Variants in IL1A observed in about 807,000 individuals in gnomAD.
The protein encoded by IL1A is interleukin 1 alpha.
Under a neutral mutation model 22.2 loss-of-function variants are expected in IL1A, and 16 were observed. The ratio of observed to expected loss-of-function variants is 0.72; its 90% CI spans 0.49 to 1.09. The LOEUF is 1.09. Among genes scored for constraint, IL1A ranks in the 50% least tolerant of loss-of-function variants. IL1A has a pLI of 0.00. For missense variants in IL1A, 317 were observed against 321.8 expected (o/e 0.99, Z 0.11); for synonymous variants, 113 against 118.5 (o/e 0.95, Z 0.30).
rs1016603425 is a variant in IL1A, at chr2:112,777,240, T to C, written c.615+747A>G. 2.0e-5 allele frequency among the ~76,000 whole-genome samples: 3 copies of C among 152,178 alleles called. No individual in the cohort carries two copies. In the East Asian group the frequency reaches 5.8e-4, roughly 29 times the overall value. On this transcript the variant is annotated intron_variant, in intron 6 of 6. Coordinates refer to ENST00000263339, the MANE Select transcript of IL1A (RefSeq NM_000575.5). ...ACTGTCCACACTGCTGTTGGCACTA[T>C]GCCTGAAAAATAGAAGGCTCTCAGT...
At chr2:112,777,959 G>A (rs751286267) in intron 6 of IL1A, 28 bp downstream of exon 6, 19 of 1,612,740 alleles carry the variant, frequency 1.2e-5, no homozygotes, top group Non-Finnish European at 1.6e-5. Context: ...TGTAAATGAA[G>A]GTAAGTTGGA....
Position 112,779,556 on chromosome 2 carries a change from T to C in IL1A, c.430A>G (p.Ile144Val). Residue 144 changes from isoleucine (I) to valine (V), a missense_variant, in exon 5 of 7, where the codon ATA (isoleucine) becomes GTA (valine). Transcript: ENST00000263339. ...FILNDALNQS[I>V]IRANDQYLTA... Reference sequence around the variant, plus strand: ...AGGTACTGATCATTGGCTCGAATTATACTTTGATTGAGGGCGTCATTCAGG... The same window carrying C: ...AGGTACTGATCATTGGCTCGAATTACACTTTGATTGAGGGCGTCATTCAGG... 2 of 1,611,606 alleles carry C rather than the reference T, an allele frequency of 1.2e-6. No individual in the cohort carries two copies. Among genetic ancestry groups the C allele is most frequent in the South Asian group, 1.1e-5 (1 of 90,894 alleles).
In IL1A at chr2:112,773,983, A is replaced by G. The variant is rs1681052763; in HGVS notation, c.*1084T>C. ...AACACTCTATCAATCACTATTGTTGATAATAATGTAACATTATGGTCTGAT... is the reference window on the plus strand; with the variant it reads ...AACACTCTATCAATCACTATTGTTGGTAATAATGTAACATTATGGTCTGAT... On this transcript the variant is annotated 3_prime_UTR_variant, in exon 7 of 7. Coordinates refer to ENST00000263339, the MANE Select transcript of IL1A (RefSeq NM_000575.5). 6.6e-6 allele frequency: 1 copy of G among 152,212 alleles called. No individual in the cohort carries two copies. The highest frequency in any genetic ancestry group is 2.4e-5 in the African/African-American group (1 of 41,450). 9.4% of individuals were successfully genotyped at this position (152,212 alleles called of 1,614,324 possible).
Position 112,775,076 on chromosome 2 carries a change from G to A in IL1A, c.807C>T (p.Asn269=). ...PSITDFQILE[N]QA ...AAGTGAGACTCCAGACCTACGCCTG[G>A]TTTTCCAGTATCTGAAAGTCAGTGA... Residue 269 remains asparagine, a synonymous_variant, in exon 7 of 7, where the codon AAC becomes AAT. Coordinates refer to ENST00000263339, the MANE Select transcript of IL1A (RefSeq NM_000575.5). The A allele has an allele frequency of 6.2e-7, 1 of 1,613,806 alleles. No individual in the cohort carries two copies. Among genetic ancestry groups the A allele is most frequent in the Non-Finnish European group, 8.5e-7 (1 of 1,179,726 alleles).
chr2:112,778,120 GAGA>G lies in IL1A; in HGVS notation c.491-12_491-10del, dbSNP rs1410423902. ...ACCCATGTCAAATTTCACTGGTGAA[GAGA>G]AGAACCAAAAAGAAAGTAAATTCAT... On this transcript the variant is annotated splice_polypyrimidine_tract_variant and intron_variant, in intron 5 of 6. Coordinates refer to ENST00000263339, the MANE Select transcript of IL1A (RefSeq NM_000575.5). 1 of 1,609,742 alleles carries G rather than the reference GAGA, an allele frequency of 6.2e-7. No homozygotes were observed. The highest frequency in any genetic ancestry group is 1.7e-5 in the Admixed American group (1 of 59,146).
rs1384259073 is a variant in IL1A at position 112,774,816 on chromosome 2, C to T, written c.*251G>A. 2.7e-6 allele frequency: 1 copy of T among 367,844 alleles called. No individual in the cohort carries two copies. The highest frequency in any genetic ancestry group is 2.0e-5 in the African/African-American group (1 of 49,350). The allele number at this position is 367,844 out of a possible 1,614,324, so 22.8% of individuals were successfully genotyped here. ...GGTAGCCATAGTCAGTAGCTCTGGT[C>T]CTCCTAAAATTGTTATGAAGAATAA... On this transcript the variant is annotated 3_prime_UTR_variant, in exon 7 of 7. Transcript: ENST00000263339.
In IL1A at chr2:112,775,007, A is replaced by G; in HGVS notation, c.*60T>C. 3 of 1,342,300 alleles carry G rather than the reference A, an allele frequency of 2.2e-6. No homozygotes were observed. Among genetic ancestry groups the G allele is most frequent in the African/African-American group, 1.4e-5 (1 of 69,674 alleles). 83.1% of individuals were successfully genotyped at this position (1,342,300 alleles called of 1,614,324 possible). A position where few individuals can be genotyped will look rare whatever the true frequency, so the allele number is the denominator to read the frequency against. ...TAACAGTAAAGGATTTAGCTTCTTC[A>G]TGTACATGGTACATATGAACTGTCA... is the stretch of plus-strand genomic sequence containing the variant. On this transcript the variant is annotated 3_prime_UTR_variant, in exon 7 of 7. Transcript: ENST00000263339.
chr2:112,782,286 G>C (rs1681223087), intron 3 of IL1A, among the ~76,000 whole-genome samples: 1 of 152,214 alleles, frequency 6.6e-6, no homozygotes, highest in African/African-American at 2.4e-5. Context: ...ATGAGTGGCT[G>C]TAGACTTCTC....
rs538276137 is a variant in IL1A at position 112,782,751 on chromosome 2, C to G, written c.61G>C (p.Asp21His). 6.3e-5 allele frequency: 101 copies of G among 1,608,710 alleles called. No homozygotes were observed. The South Asian group carries it at 1.1e-3, about 17-fold the overall frequency. Residue 21 changes from aspartate (D) to histidine (H), a missense_variant, in exon 3 of 7, where the codon GAC becomes CAC. Physicochemically the swap from Asp to His is moderately conservative, Grantham distance 81. Coordinates refer to ENST00000263339, the MANE Select transcript of IL1A (RefSeq NM_000575.5). ...GACAGATGATCAATGGAGGAACTGT[C>G]TTCTTCATTTTCACTGTCAAAATAA... is the stretch of plus-strand genomic sequence containing the variant. The part of the protein sequence containing the change: ...LKNCYSENEE[D>H]SSSIDHLSLN...
At position 112,783,632 on chromosome 2, in the gene IL1A, C is replaced by T; in HGVS notation, c.47+92G>A. On this transcript the variant is annotated intron_variant, in intron 2 of 6. Transcript: ENST00000263339. ...ACACATCTCTACAACCTCTGCCGGCCTGCCCCCATGCTGGCCACTGTTATG... is the reference window on the plus strand; with the variant it reads ...ACACATCTCTACAACCTCTGCCGGCTTGCCCCCATGCTGGCCACTGTTATG... The T allele has an allele frequency of 2.9e-6, 3 of 1,052,130 alleles. No homozygotes were observed. The South Asian group carries it at 3.8e-5, about 13-fold the overall frequency. 65.2% of individuals were successfully genotyped at this position (1,052,130 alleles called of 1,614,324 possible). A position where few individuals can be genotyped will look rare whatever the true frequency, so the allele number is the denominator to read the frequency against.
chr2:112,775,305 A>C, intron 6 of IL1A, 38 bp from the exon 7 acceptor site: 1 of 1,557,192 alleles, frequency 6.4e-7, no homozygotes, highest in African/African-American at 1.4e-5. Flanking sequence ...AGAGAACAAG[A>C]TGGTAGAAAA....
intron 4 of IL1A, among the ~76,000 whole-genome samples, chr2:112,780,864 C>T (rs540240184): frequency 1.3e-5 from 2 of 151,990 alleles, no homozygotes; most frequent in African/African-American, 2.4e-5. Flanking sequence ...ACTAAAAATA[C>T]AAAAAATTAG....
rs763121818 is a variant in IL1A at position 112,781,584 on chromosome 2, T to G, written c.319+20A>C. ...GCTTAAAACTGTAAAAGAAAGATAT[T>G]ATTGTGCTTGACCCCTTACCTTCCT... On this transcript the variant is annotated intron_variant, in intron 4 of 6. Transcript: ENST00000263339. The G allele has an allele frequency of 8.2e-6, 13 of 1,577,038 alleles. No individual in the cohort carries two copies. Among genetic ancestry groups the G allele is most frequent in the Non-Finnish European group, 1.0e-5 (12 of 1,146,322 alleles).
chr2:112,779,736 A>G, intron 4 of IL1A, 70 bp from the exon 5 acceptor site: 1 of 1,108,052 alleles, frequency 9.0e-7, no homozygotes, highest in Non-Finnish European at 1.3e-6. Context: ...AGTCTAGTAC[A>G]AACAGGGAAA....
chr2:112,779,712 C>A, intron 4 of IL1A, 46 bp from the exon 5 acceptor site: 1 of 1,427,628 alleles, frequency 7.0e-7, no homozygotes, highest in Non-Finnish European at 9.8e-7. Flanking sequence ...TGTACAAACA[C>A]AGATGATATA....
intron 5 of IL1A, 75 bp from the exon 6 acceptor site, chr2:112,778,186 T>G: frequency 7.9e-7 from 1 of 1,266,614 alleles, no homozygotes; most frequent in Non-Finnish European, 1.1e-6. Context: ...GTAGATTGTG[T>G]GTGCATGGTG....
intron 3 of IL1A, 84 bp downstream of exon 3, chr2:112,782,632 A>G (rs1681232176): frequency 5.0e-6 from 5 of 1,007,288 alleles, no homozygotes; most frequent in Non-Finnish European, 7.8e-6. Context: ...AGTATTGAAG[A>G]TTCAAGTCAT....
Position 112,781,034 on chromosome 2 carries a change from A to AT in IL1A, c.319+569_319+570insA, listed in dbSNP as rs1180743205. Among the ~76,000 whole-genome samples, 771 of 152,094 alleles carry AT rather than the reference A, an allele frequency of 5.1e-3. 3 individuals are homozygous for AT. The highest frequency in any genetic ancestry group is 0.018 in the African/African-American group (736 of 41,466). On this transcript the variant is annotated intron_variant, in intron 4 of 6. Coordinates refer to ENST00000263339, the MANE Select transcript of IL1A (RefSeq NM_000575.5). Reference sequence around the variant, plus strand: ...GACTCCATCTCAAAAAAATAAAATAAAATAATAATAATAATGATAGTAATA... The same window carrying AT: ...GACTCCATCTCAAAAAAATAAAATAATAATAATAATAATAATGATAGTAATA...
At position 112,778,136 on chromosome 2, in the gene IL1A, A is replaced by G. The variant is rs559461153; in HGVS notation, c.491-25T>C. 2.5e-6 allele frequency: 4 copies of G among 1,605,838 alleles called. No homozygotes were observed. In the African/African-American group the frequency reaches 4.0e-5, roughly 16 times the overall value. ...ACTGGTGAAGAGAAGAACCAAAAAG[A>G]AAGTAAATTCATTGTATTTGTATAA... On this transcript the variant is annotated intron_variant, in intron 5 of 6. Coordinates refer to ENST00000263339, the MANE Select transcript of IL1A (RefSeq NM_000575.5).
Sources: gnomAD v4.1 joint callset for allele counts (sites outside exome capture counted in the v4.1 genomes callset) on GRCh38, gnomAD v4.1.1 for gene constraint, MANE v1.5 for transcripts, NCBI Gene and HGNC (gene_info 2026-07-23, HGNC 2026-07-21) for gene names.